ZBTB20: variants seen among roughly 807,000 people sequenced by gnomAD.
ZBTB20 encodes zinc finger and BTB domain-containing protein 20.
In ZBTB20, 9 loss-of-function variants were observed where a neutral mutation model predicts 56.9. The observed-to-expected ratio is 0.16, with a 90% CI of 0.10 to 0.28. The LOEUF (loss-of-function observed/expected upper bound fraction) is 0.28. Among genes scored for constraint, ZBTB20 ranks in the 10% least tolerant of loss-of-function variants. The pLI, the probability that ZBTB20 is intolerant of heterozygous loss-of-function variation, is 1.00. For missense variants in ZBTB20, 655 were observed against 1,003.0 expected, an observed-to-expected ratio of 0.65 and a Z score of 4.69; for synonymous variants, 417 against 420.7, an observed-to-expected ratio of 0.99 and a Z score of 0.11.
chr3:114,511,532 A>G (rs2045387225), intron 6 of ZBTB20, among the ~76,000 whole-genome samples: 1 of 152,164 alleles, frequency 6.6e-6, no homozygotes, highest in African/African-American at 2.4e-5. Context: ...TAGAGATCAT[A>G]TATGTCTTAT....
At chr3:115,012,346 T>C (rs1396825241) in intron 2 of ZBTB20, among the ~76,000 whole-genome samples, 6 of 151,396 alleles carry the variant, frequency 4.0e-5, no homozygotes, top group Non-Finnish European at 5.9e-5. Flanking sequence ...TAAAGACACA[T>C]ACAGACTGAA....
chr3:115,096,768 C>A (rs1478295257), intron 1 of ZBTB20, among the ~76,000 whole-genome samples: 3 of 152,166 alleles, frequency 2.0e-5, no homozygotes, highest in Non-Finnish European at 2.9e-5. Context: ...CTGATAATTT[C>A]TATATTTATA....
chr3:114,328,196 G>A lies in ZBTB20; in HGVS notation c.*10809C>T, dbSNP rs1333802221. On this transcript the variant is annotated 3_prime_UTR_variant, in exon 12 of 12. Transcript: ENST00000675478. ...TATGGATCTTTTCATCCATTAGTAAGTTACTGCTCAAAGTTCTAAACAAAT... is the reference window on the plus strand; with the variant it reads ...TATGGATCTTTTCATCCATTAGTAAATTACTGCTCAAAGTTCTAAACAAAT... 1.3e-5 allele frequency: 2 copies of A among 151,992 alleles called. No individual in the cohort carries two copies. Among genetic ancestry groups the A allele is most frequent in the African/African-American group, 4.8e-5 (2 of 41,372 alleles). The allele number at this position is 151,992 out of a possible 1,614,324, so 9.4% of individuals were successfully genotyped here. A position where few individuals can be genotyped will look rare whatever the true frequency, so the allele number is the denominator to read the frequency against.
chr3:114,704,721 C>A (rs1036133167), intron 5 of ZBTB20, among the ~76,000 whole-genome samples: 1 of 152,062 alleles, frequency 6.6e-6, no homozygotes, highest in Admixed American at 6.6e-5. Context: ...CTCTCATTTT[C>A]GCAATGAGGA....
chr3:115,100,908 G>T (rs553085079), intron 1 of ZBTB20, among the ~76,000 whole-genome samples: 2 of 152,180 alleles, frequency 1.3e-5, no homozygotes, highest in African/African-American at 2.4e-5. Flanking sequence ...TAGGAAAACT[G>T]ATCTCAGACA....
chr3:114,365,857 C>A (rs1576384933), intron 10 of ZBTB20, among the ~76,000 whole-genome samples: 1 of 152,266 alleles, frequency 6.6e-6, no homozygotes, highest in East Asian at 1.9e-4. Flanking sequence ...CAAAAGAAAG[C>A]TTTTCTGTTT....
intron 4 of ZBTB20, among the ~76,000 whole-genome samples, chr3:114,850,722 C>G (rs368433548): frequency 6.6e-6 from 1 of 152,182 alleles, no homozygotes; most frequent in Non-Finnish European, 1.5e-5. Flanking sequence ...CTTTCTGAAG[C>G]TTGTGTTCAA....
intron 7 of ZBTB20, among the ~76,000 whole-genome samples, chr3:114,459,809 T>C (rs1024659971): frequency 3.1e-4 from 47 of 152,220 alleles, no homozygotes; most frequent in African/African-American, 1.1e-3. Flanking sequence ...CGCCACTATT[T>C]TTATAGCAAG....
chr3:114,355,359 A>G (rs1043936323), intron 10 of ZBTB20, among the ~76,000 whole-genome samples: 15 of 152,124 alleles, frequency 9.9e-5, no homozygotes, highest in Admixed American at 2.0e-4. Flanking sequence ...CTGATCTGAC[A>G]TGCCTGGTTG....
intron 4 of ZBTB20, among the ~76,000 whole-genome samples, chr3:114,847,758 T>C (rs944476813): frequency 3.9e-5 from 6 of 152,170 alleles, no homozygotes; most frequent in African/African-American, 1.4e-4. Context: ...CTCCAGCACT[T>C]GTGCAATAAC....
At chr3:114,691,955 A>T (rs2062723648) in intron 6 of ZBTB20, among the ~76,000 whole-genome samples, 1 of 152,156 alleles carries the variant, frequency 6.6e-6, no homozygotes, top group Admixed American at 6.5e-5. Flanking sequence ...TGAAACAGAG[A>T]AACTGCAAAC....
chr3:114,781,374 T>C (rs1399023864), intron 5 of ZBTB20, among the ~76,000 whole-genome samples: 2 of 152,172 alleles, frequency 1.3e-5, no homozygotes, highest in Non-Finnish European at 2.9e-5. Context: ...AGCTGTTACT[T>C]CTAATATGTA....
intron 1 of ZBTB20, among the ~76,000 whole-genome samples, chr3:115,123,566 A>T (rs1244045275): frequency 2.0e-5 from 3 of 152,176 alleles, no homozygotes. Flanking sequence ...CCACTTTATA[A>T]GCTCTGGACA....
chr3:114,957,922 C>A (rs1300337229), intron 3 of ZBTB20, among the ~76,000 whole-genome samples: 1 of 152,134 alleles, frequency 6.6e-6, no homozygotes. Flanking sequence ...GTCTTCCTTT[C>A]CTAGCACCCA....
At chr3:114,835,420 T>C (rs2074069704) in intron 4 of ZBTB20, among the ~76,000 whole-genome samples, 1 of 152,154 alleles carries the variant, frequency 6.6e-6, no homozygotes, top group Admixed American at 6.5e-5. Flanking sequence ...ATAAAATCTG[T>C]TTTCATATTG....
chr3:114,504,625 T>C, intron 6 of ZBTB20, among the ~76,000 whole-genome samples: 1 of 152,196 alleles, frequency 6.6e-6, no homozygotes, highest in East Asian at 1.9e-4. Flanking sequence ...AAGGAAAATC[T>C]GTGTATATAT....
chr3:114,341,128 A>G (rs2079729439), intron 11 of ZBTB20, among the ~76,000 whole-genome samples: 2 of 152,234 alleles, frequency 1.3e-5, no homozygotes, highest in African/African-American at 4.8e-5. Context: ...CTGACCAGAC[A>G]GTATGCTGCG....
intron 6 of ZBTB20, among the ~76,000 whole-genome samples, chr3:114,570,029 T>C (rs981689052): frequency 3.6e-5 from 5 of 139,826 alleles, no homozygotes; most frequent in African/African-American, 5.5e-5. Flanking sequence ...TGGCAAAATA[T>C]ATGCATTCAA....
At chr3:114,813,392 G>A (rs999141019) in intron 4 of ZBTB20, among the ~76,000 whole-genome samples, 6 of 152,160 alleles carry the variant, frequency 3.9e-5, no homozygotes, top group Admixed American at 1.3e-4. Flanking sequence ...ATTAGGCTTT[G>A]CAATTTCTAT....
Sources: allele counts gnomAD v4.1 joint callset (sites outside exome capture counted in the v4.1 genomes callset), GRCh38; gene constraint gnomAD v4.1.1; transcripts MANE v1.5; gene names NCBI Gene and HGNC (gene_info 2026-07-23, HGNC 2026-07-21).